Variants in ZSWIM6 observed in about 807,000 individuals in gnomAD.
ZSWIM6 encodes zinc finger SWIM domain-containing protein 6.
ZSWIM6 carries 9 observed loss-of-function variants against 113.2 expected under a neutral mutation model. The observed-to-expected ratio is 0.08, with a 90% CI of 0.05 to 0.14. The LOEUF (loss-of-function observed/expected upper bound fraction) is 0.14, where lower values mean the gene tolerates loss of function less well. ZSWIM6 is among the 10% of genes least tolerant of loss of function. The probability of loss-of-function intolerance (pLI) is 1.00; values close to 1 mark genes in which losing one functional copy is unlikely to be tolerated. For synonymous variants in ZSWIM6, 611 were observed against 606.5 expected (o/e 1.01, Z -0.11); for missense variants, 1,162 against 1,552.2 (o/e 0.75, Z 4.22).
chr5:61,354,490 C>T (rs1347047019), intron 1 of ZSWIM6, among the ~76,000 whole-genome samples: 4 of 152,138 alleles, frequency 2.6e-5, no homozygotes, highest in Admixed American at 6.6e-5. Flanking sequence ...TTAGGTGTGA[C>T]GTGACACGAG....
At chr5:61,478,466 T>C (rs1467651039) in intron 2 of ZSWIM6, among the ~76,000 whole-genome samples, 1 of 152,178 alleles carries the variant, frequency 6.6e-6, no homozygotes, top group East Asian at 1.9e-4. Flanking sequence ...CACATATATA[T>C]GAAGTTTTAA....
At chr5:61,442,226 G>C (rs1386807261) in intron 1 of ZSWIM6, among the ~76,000 whole-genome samples, 1 of 152,074 alleles carries the variant, frequency 6.6e-6, no homozygotes, top group Admixed American at 6.6e-5. Context: ...CTCAAGATAA[G>C]AAAATTTTAA....
At chr5:61,450,008 A>T (rs1013635760) in intron 1 of ZSWIM6, among the ~76,000 whole-genome samples, 2 of 152,244 alleles carry the variant, frequency 1.3e-5, no homozygotes, top group African/African-American at 4.8e-5. Context: ...TGCTGAATAC[A>T]GTATTTCAGT....
chr5:61,507,092 C>T (rs1043228680), intron 4 of ZSWIM6, among the ~76,000 whole-genome samples: 5 of 152,118 alleles, frequency 3.3e-5, no homozygotes, highest in African/African-American at 7.2e-5. Context: ...CAGCCCCCAC[C>T]GGCTTCTCCC....
At chr5:61,482,792 C>T (rs1311319809) in intron 2 of ZSWIM6, among the ~76,000 whole-genome samples, 1 of 151,996 alleles carries the variant, frequency 6.6e-6, no homozygotes, top group African/African-American at 2.4e-5. Flanking sequence ...GAAATGGAGG[C>T]CCGAAGAGCT....
intron 13 of ZSWIM6, among the ~76,000 whole-genome samples, chr5:61,542,916 T>C (rs937179737): frequency 8.5e-5 from 13 of 152,336 alleles, no homozygotes; most frequent in Admixed American, 8.5e-4. Context: ...CGTAAAGTGA[T>C]TATTTTAAAG....
intron 1 of ZSWIM6, among the ~76,000 whole-genome samples, chr5:61,454,454 T>G (rs1204818823): frequency 2.0e-5 from 3 of 151,738 alleles, no homozygotes; most frequent in African/African-American, 7.3e-5. Flanking sequence ...TGGGGTCTCC[T>G]TATGTTTCCT....
intron 1 of ZSWIM6, among the ~76,000 whole-genome samples, chr5:61,360,947 T>G (rs1745022552): frequency 6.6e-6 from 1 of 152,222 alleles, no homozygotes; most frequent in Non-Finnish European, 1.5e-5. Flanking sequence ...TGGATTGAGT[T>G]TGAATTTAGG....
At chr5:61,440,671 G>A (rs893715064) in intron 1 of ZSWIM6, among the ~76,000 whole-genome samples, 3 of 152,200 alleles carry the variant, frequency 2.0e-5, no homozygotes, top group African/African-American at 7.2e-5. Context: ...GGTGCTTGGA[G>A]TTTCCTTTTG....
intron 4 of ZSWIM6, among the ~76,000 whole-genome samples, chr5:61,517,813 C>G (rs1378777148): frequency 6.7e-6 from 1 of 149,334 alleles, no homozygotes; most frequent in East Asian, 2.0e-4. Context: ...TATTATTATA[C>G]TTTTAAGTTT....
At chr5:61,459,281 T>A (rs1270273170) in intron 1 of ZSWIM6, among the ~76,000 whole-genome samples, 1 of 152,230 alleles carries the variant, frequency 6.6e-6, no homozygotes, top group Non-Finnish European at 1.5e-5. Context: ...GGCCAGTAGC[T>A]GATTTTTTTT....
chr5:61,509,855 T>C (rs1748731436), intron 4 of ZSWIM6, among the ~76,000 whole-genome samples: 2 of 152,152 alleles, frequency 1.3e-5, no homozygotes, highest in Non-Finnish European at 2.9e-5. Flanking sequence ...TGTAAAATAC[T>C]TATAAGGGTA....
intron 4 of ZSWIM6, among the ~76,000 whole-genome samples, chr5:61,505,696 C>T (rs1748595853): frequency 9.9e-6 from 1 of 101,344 alleles, no homozygotes; most frequent in African/African-American, 3.7e-5. Context: ...CCCTCCCTCC[C>T]TTCCTTCCTC....
At chr5:61,497,513 A>G (rs1748355324) in intron 4 of ZSWIM6, among the ~76,000 whole-genome samples, 1 of 152,146 alleles carries the variant, frequency 6.6e-6, no homozygotes, top group South Asian at 2.1e-4. Context: ...TTCATTTGGT[A>G]TGAGTTAACT....
intron 1 of ZSWIM6, among the ~76,000 whole-genome samples, chr5:61,449,484 C>T (rs114863112): frequency 4.3e-4 from 65 of 152,236 alleles, no homozygotes; most frequent in African/African-American, 1.3e-3. Flanking sequence ...CCTGCCTCAG[C>T]GTCCTGAGTA....
chr5:61,444,933 G>A (rs959265593), intron 1 of ZSWIM6, among the ~76,000 whole-genome samples: 6 of 151,926 alleles, frequency 3.9e-5, no homozygotes, highest in East Asian at 1.9e-4. Context: ...TACCTTTTTC[G>A]GACCTACGAG....
chr5:61,429,293 A>G (rs942471582), intron 1 of ZSWIM6, among the ~76,000 whole-genome samples: 3 of 152,160 alleles, frequency 2.0e-5, no homozygotes, highest in African/African-American at 7.2e-5. Context: ...ATTAAAATTT[A>G]CCTGTATTGT....
At chr5:61,339,103 C>T (rs1036046344) in intron 1 of ZSWIM6, among the ~76,000 whole-genome samples, 2 of 152,096 alleles carry the variant, frequency 1.3e-5, no homozygotes, top group Non-Finnish European at 2.9e-5. Context: ...CTCATATTCA[C>T]GGTTAAGAAT....
intron 1 of ZSWIM6, among the ~76,000 whole-genome samples, chr5:61,437,809 A>T (rs1307688417): frequency 2.0e-5 from 3 of 152,036 alleles, no homozygotes; most frequent in Non-Finnish European, 2.9e-5. Context: ...AGCCAGAATA[A>T]TCTTATTTAT....
Sources: gnomAD v4.1 joint callset for allele counts (sites outside exome capture counted in the v4.1 genomes callset) on GRCh38, gnomAD v4.1.1 for gene constraint, MANE v1.5 for transcripts, NCBI Gene and HGNC (gene_info 2026-07-23, HGNC 2026-07-21) for gene names.